The following SMPD4 variants were observed in gnomAD, a reference collection of about 807,000 sequenced individuals.
The protein encoded by SMPD4 is sphingomyelin phosphodiesterase 4.
SMPD4 carries 58 observed loss-of-function variants against 97.8 expected under a neutral mutation model. The observed-to-expected ratio is 0.59, with a 90% CI of 0.48 to 0.74. The LOEUF is 0.74. Ranked by LOEUF, SMPD4 falls within the 30% of genes least tolerant of loss-of-function variation. The pLI is 0.00. For missense variants in SMPD4, 853 were observed against 1,080.5 expected, an observed-to-expected ratio of 0.79 and a Z score of 2.95; for synonymous variants, 388 against 450.0, an observed-to-expected ratio of 0.86 and a Z score of 1.74.
At chr2:130,165,099 A>AC (rs1384492626) in intron 9 of SMPD4, among the ~76,000 whole-genome samples, 1 of 130,232 alleles carries the variant, frequency 7.7e-6, no homozygotes, top group African/African-American at 3.0e-5. Context: ...ACAAAGACAG[A>AC]CTCTGATTTA....
chr2:130,154,916 G>T, intron 15 of SMPD4, 180 bp downstream of exon 15: 1 of 821,568 alleles, frequency 1.2e-6, no homozygotes, highest in Non-Finnish European at 1.9e-6. Flanking sequence ...GGGCAGGCAG[G>T]ATCCAGCCGG....
intron 5 of SMPD4, 50 bp from the exon 6 acceptor site, chr2:130,172,945 C>T: frequency 1.9e-6 from 3 of 1,567,180 alleles, no homozygotes; most frequent in Non-Finnish European, 2.6e-6. Flanking sequence ...TGCGTAGTGC[C>T]CGATACGCAG....
Position 130,176,603 on chromosome 2 carries a change from A to G in SMPD4, c.-11T>C, listed in dbSNP as rs182858926. On this transcript the variant is annotated 5_prime_UTR_variant, in exon 2 of 20. Coordinates refer to ENST00000680298, the MANE Select transcript of SMPD4 (RefSeq NM_017951.5). ...GTGAGGGAACGCCATAGCAGCCTCC[A>G]GTGGAGAGTTGAAAATGGCCTTCTT... 2.3e-5 allele frequency: 37 copies of G among 1,613,666 alleles called. No homozygotes were observed. In the Admixed American group the frequency reaches 4.7e-4, roughly 20 times the overall value.
At chr2:130,159,896 C>G (rs974853593) in intron 11 of SMPD4, among the ~76,000 whole-genome samples, 5 of 152,184 alleles carry the variant, frequency 3.3e-5, no homozygotes, top group Admixed American at 2.0e-4. Flanking sequence ...TGACCCACCT[C>G]ACCTGGTCCT....
rs1345122876 is a variant in SMPD4, at chr2:130,155,181, G to A, written c.1368C>T (p.Asp456=). The A allele has an allele frequency of 2.5e-6, 4 of 1,614,102 alleles. No individual in the cohort carries two copies. Among genetic ancestry groups the A allele is most frequent in the Admixed American group, 1.7e-5 (1 of 60,008 alleles). The change falls in exon 15 of 20, where the codon GAC becomes GAT. Residue 456 remains aspartate, a synonymous_variant. Transcript: ENST00000680298. ...VGFLNRALRT[D]LVSPKHALMV... Reference sequence around the variant, plus strand: ...TGAGCGCGTGCTTGGGGCTGACCAGGTCTGTGCGGAGCGCGCGGTTCAGAA... The same window carrying A: ...TGAGCGCGTGCTTGGGGCTGACCAGATCTGTGCGGAGCGCGCGGTTCAGAA...
intron 10 of SMPD4, 73 bp downstream of exon 10, chr2:130,164,301 C>CA (rs1558751893): frequency 7.4e-7 from 1 of 1,344,066 alleles, no homozygotes; most frequent in African/African-American, 1.4e-5. Flanking sequence ...AAAACTCACT[C>CA]AGAGGCAGGA....
Position 130,167,554 on chromosome 2 carries a change from G to A in SMPD4, c.696C>T (p.His232=), listed in dbSNP as rs781126569. 6.2e-7 allele frequency: 1 copy of A among 1,613,552 alleles called. No homozygotes were observed. The highest frequency in any genetic ancestry group is 8.5e-7 in the Non-Finnish European group (1 of 1,179,614). ...TGTGTCGCTTTAGGAGGCTAGTGTG[G>A]TGGAGGCCATAGGAAGCAAAGGGTA... ...PAIPFASYGL[H]HTSLLKRHIS... The change falls in exon 9 of 20, where the codon CAC becomes CAT. Residue 232 remains histidine, a synonymous_variant. Coordinates refer to ENST00000680298, the MANE Select transcript of SMPD4 (RefSeq NM_017951.5).
intron 8 of SMPD4, among the ~76,000 whole-genome samples, chr2:130,171,489 A>C (rs538604938): frequency 1.8e-3 from 273 of 152,340 alleles, no homozygotes; most frequent in African/African-American, 6.4e-3. Context: ...ACTGCTTGGC[A>C]GCTGAATTCT....
At chr2:130,179,373 G>A (rs1400461726) in intron 1 of SMPD4, among the ~76,000 whole-genome samples, 3 of 151,796 alleles carry the variant, frequency 2.0e-5, no homozygotes, top group Admixed American at 1.3e-4. Flanking sequence ...CGCCTGCCTC[G>A]GCCTCCCAAA....
Position 130,172,793 on chromosome 2 carries a change from C to T in SMPD4, c.448G>A (p.Ala150Thr). ...CAGGGCCACCAAAGGATACTCAGGG[C>T]CAAGTTCAGACCAAGGCCCCCAGTA... ...TPTGGLGLNL[A>T]LNPFEYYIFF... Residue 150 changes from alanine (A) to threonine (T), a missense_variant, in exon 6 of 20, where the codon GCC becomes ACC. Physicochemically the swap from Ala to Thr is moderately conservative, Grantham distance 58 (BLOSUM62 0). Coordinates refer to ENST00000680298, the MANE Select transcript of SMPD4 (RefSeq NM_017951.5). 6 of 1,614,176 alleles carry T rather than the reference C, an allele frequency of 3.7e-6. No individual in the cohort carries two copies. The highest frequency in any genetic ancestry group is 5.1e-6 in the Non-Finnish European group (6 of 1,180,036).
At chr2:130,165,854 G>A (rs1687879651) in intron 9 of SMPD4, among the ~76,000 whole-genome samples, 1 of 152,120 alleles carries the variant, frequency 6.6e-6, no homozygotes, top group Non-Finnish European at 1.5e-5. Context: ...AGAGGTGTGA[G>A]GCCCCTGCGC....
At chr2:130,170,036 G>A (rs1197280025) in intron 8 of SMPD4, among the ~76,000 whole-genome samples, 5 of 138,012 alleles carry the variant, frequency 3.6e-5, no homozygotes, top group South Asian at 2.2e-4. Flanking sequence ...CCATATCTCC[G>A]CAAAAAAAAA....
In SMPD4 at chr2:130,173,701, T is replaced by C. The variant is rs1357557660; in HGVS notation, c.127-45A>G. 3 of 1,611,600 alleles carry C rather than the reference T, an allele frequency of 1.9e-6. No homozygotes were observed. The South Asian group carries it at 3.3e-5, about 18-fold the overall frequency. Reference sequence around the variant, plus strand: ...AGCCGCGTGCAGGACCAGCACCCACTCCTGCCCCGGCTCTAGTCCTGCACC... The same window carrying C: ...AGCCGCGTGCAGGACCAGCACCCACCCCTGCCCCGGCTCTAGTCCTGCACC... On this transcript the variant is annotated intron_variant, in intron 3 of 19. Transcript: ENST00000680298.
chr2:130,152,954 C>T (rs1285767711), intron 19 of SMPD4, 70 bp from the exon 20 acceptor site: 2 of 1,555,466 alleles, frequency 1.3e-6, no homozygotes, highest in Non-Finnish European at 1.7e-6. Flanking sequence ...CAGTACCCCA[C>T]CCTCACAGGC....
intron 9 of SMPD4, among the ~76,000 whole-genome samples, chr2:130,166,382 C>T (rs981349633): frequency 2.6e-5 from 4 of 151,560 alleles, no homozygotes; most frequent in Admixed American, 1.3e-4. Context: ...TCCCTATAAG[C>T]GCTGTGTCAT....
Position 130,153,174 on chromosome 2 carries a change from A to G in SMPD4, c.2026-3T>C. ...AACCTTCGCAGCCCATTGATGATCTAGAAAGCCAGGCCATGGGGATGGGTC... is the reference window on the plus strand; with the variant it reads ...AACCTTCGCAGCCCATTGATGATCTGGAAAGCCAGGCCATGGGGATGGGTC... On this transcript the variant is annotated splice_region_variant and splice_polypyrimidine_tract_variant and intron_variant, in intron 18 of 19. Transcript: ENST00000680298. 1 of 1,613,766 alleles carries G rather than the reference A, an allele frequency of 6.2e-7. No individual in the cohort carries two copies. The highest frequency in any genetic ancestry group is 1.1e-5 in the South Asian group (1 of 91,084).
intron 8 of SMPD4, among the ~76,000 whole-genome samples, chr2:130,170,181 G>A (rs527472018): frequency 1.1e-4 from 16 of 151,478 alleles, no homozygotes; most frequent in South Asian, 6.3e-4. Flanking sequence ...GAGTAAGACC[G>A]TCTTTAAAAA....
chr2:130,172,431 A>G lies in SMPD4; in HGVS notation c.577T>C (p.Ser193Pro), dbSNP rs777678771. The G allele has an allele frequency of 1.2e-6, 2 of 1,612,300 alleles. No homozygotes were observed. The highest frequency in any genetic ancestry group is 1.7e-6 in the Non-Finnish European group (2 of 1,179,164). The stretch of plus-strand genomic sequence containing the variant: ...CTGCCTTCGGTGGGCAGGAACCATG[A>G]CAGGTACCTGTCCACCAGGATGAAA... ...AYFILVDRYL[S>P]WFLPTEGSVP... is the part of the protein sequence containing the mutation. Residue 193 changes from serine (S) to proline (P), a missense_variant, in exon 8 of 20, where the codon TCA (serine) becomes CCA (proline). Around this residue, in one of 3 missense-constraint regions of SMPD4, gnomAD observed 313 missense variants for 402.2 expected, o/e 0.78. Coordinates refer to ENST00000680298, the MANE Select transcript of SMPD4 (RefSeq NM_017951.5).
At chr2:130,152,935 T>C in intron 19 of SMPD4, 51 bp from the exon 20 acceptor site, 4 of 1,560,426 alleles carry the variant, frequency 2.6e-6, no homozygotes, top group Non-Finnish European at 2.6e-6. Context: ...ACCACAGGCC[T>C]CAGGACAGCA....
Sources: gnomAD v4.1 joint callset for allele counts (sites outside exome capture counted in the v4.1 genomes callset) on GRCh38, gnomAD v4.1.1 for gene constraint, gnomAD v4.1.1 regional missense constraint, MANE v1.5 for transcripts, NCBI Gene and HGNC (gene_info 2026-07-23, HGNC 2026-07-21) for gene names.